Variants in SLC44A5 observed in about 807,000 individuals in gnomAD.
SLC44A5 encodes the protein solute carrier family 44 member 5.
In SLC44A5, 57 loss-of-function variants were observed where a neutral mutation model predicts 101.8. The ratio of observed to expected loss-of-function variants is 0.56; its 90% CI spans 0.45 to 0.70. The LOEUF (loss-of-function observed/expected upper bound fraction) is 0.70. Among genes scored for constraint, SLC44A5 ranks in the 30% least tolerant of loss-of-function variants. The probability of loss-of-function intolerance (pLI) is 0.00; values close to 1 mark genes in which losing one functional copy is unlikely to be tolerated. For missense variants in SLC44A5, 737 were observed against 853.1 expected (o/e 0.86, Z 1.70); for synonymous variants, 281 against 290.9 (o/e 0.97, Z 0.35).
intron 5 of SLC44A5, among the ~76,000 whole-genome samples, chr1:75,279,778 G>GTA (rs71081321): frequency 0.83 from 126,007 of 151,566 alleles, 52,664 homozygotes; most frequent in East Asian, 0.97. Flanking sequence ...TTTTATTTCA[G>GTA]GGTTTTGGGA....
chr1:75,659,445 GA>G, the SLC44A5 span, among the ~76,000 whole-genome samples: 3 of 13,166 alleles, frequency 2.3e-4, no homozygotes, highest in Admixed American at 1.7e-3. Context: ...GGGAGGGAGG[GA>G]AGGAAGGAAG....
At chr1:75,310,151 G>A (rs1166292283) in intron 4 of SLC44A5, among the ~76,000 whole-genome samples, 4 of 152,192 alleles carry the variant, frequency 2.6e-5, no homozygotes, top group Non-Finnish European at 5.9e-5. Flanking sequence ...TTGCTTGGCT[G>A]AAAATACCAG....
In SLC44A5 at chr1:75,234,007, C is replaced by T. The variant is rs1464251438; in HGVS notation, c.832G>A (p.Val278Met). 4 of 1,612,388 alleles carry T rather than the reference C, an allele frequency of 2.5e-6. No homozygotes were observed. In the South Asian group the frequency reaches 4.4e-5, roughly 18 times the overall value. The change falls in exon 12 of 24, where the codon GTG becomes ATG. Residue 278 changes from valine to methionine, a missense_variant. Transcript: ENST00000370859. The part of the protein sequence containing the change: ...GCLFWVFMIG[V>M]IGIIGYGIWH... ...CTACCATAACCTATAATTCCAATCA[C>T]ACCAATCATGAAGACCCAGAAGAGG...
intron 2 of SLC44A5, among the ~76,000 whole-genome samples, chr1:75,450,543 A>AT (rs1377423845): frequency 6.6e-6 from 1 of 152,160 alleles, no homozygotes; most frequent in Non-Finnish European, 1.5e-5. Context: ...AGGTGCTGGA[A>AT]TTTTGCTCCC....
chr1:75,318,941 C>G (rs1427059114), intron 4 of SLC44A5, among the ~76,000 whole-genome samples: 1 of 151,980 alleles, frequency 6.6e-6, no homozygotes, highest in Non-Finnish European at 1.5e-5. Context: ...TCACTCCCAA[C>G]CCCCCCTGCC....
At chr1:75,314,177 T>A (rs751715762) in intron 4 of SLC44A5, among the ~76,000 whole-genome samples, 2 of 152,214 alleles carry the variant, frequency 1.3e-5, no homozygotes, top group Non-Finnish European at 2.9e-5. Flanking sequence ...AGTTTATTCC[T>A]TTCTAATACA....
At chr1:75,719,884 T>C in the SLC44A5 span, among the ~76,000 whole-genome samples, 4 of 152,292 alleles carry the variant, frequency 2.6e-5, no homozygotes, top group East Asian at 5.8e-4. Flanking sequence ...TCAAAGGCTC[T>C]GGGACCATTG....
intron 2 of SLC44A5, among the ~76,000 whole-genome samples, chr1:75,444,544 AG>A (rs1665432849): frequency 6.7e-6 from 1 of 149,972 alleles, no homozygotes; most frequent in African/African-American, 2.5e-5. Context: ...AAGGAGACAT[AG>A]GAATAAGGAA....
chr1:75,367,453 A>G (rs947342134), intron 3 of SLC44A5, among the ~76,000 whole-genome samples: 1 of 152,306 alleles, frequency 6.6e-6, no homozygotes, highest in South Asian at 2.1e-4. Flanking sequence ...AGGTGGGCCT[A>G]TTAACAGGTT....
chr1:75,412,740 T>G (rs1663361746), intron 2 of SLC44A5, among the ~76,000 whole-genome samples: 1 of 152,202 alleles, frequency 6.6e-6, no homozygotes, highest in South Asian at 2.1e-4. Context: ...TTCTGAGTAG[T>G]GTGATAAAAC....
At chr1:75,698,351 C>G in the SLC44A5 span, among the ~76,000 whole-genome samples, 1 of 152,168 alleles carries the variant, frequency 6.6e-6, no homozygotes, top group Non-Finnish European at 1.5e-5. Flanking sequence ...GACCCCTGAT[C>G]CCCGAGCAGC....
chr1:75,462,318 G>A (rs577937271), intron 2 of SLC44A5, among the ~76,000 whole-genome samples: 29 of 152,350 alleles, frequency 1.9e-4, no homozygotes, highest in African/African-American at 7.0e-4. Flanking sequence ...AAGAACCACA[G>A]TGTTACTGGA....
At chr1:75,427,398 T>C (rs575207745) in intron 2 of SLC44A5, among the ~76,000 whole-genome samples, 13 of 152,304 alleles carry the variant, frequency 8.5e-5, no homozygotes, top group Non-Finnish European at 1.9e-4. Flanking sequence ...TTCCAAAGCA[T>C]ACCAAAATAG....
chr1:75,202,157 G>GA lies in SLC44A5; in HGVS notation c.*1569dup, dbSNP rs1345150466. 1.3e-5 allele frequency: 2 copies of GA among 151,818 alleles called. No homozygotes were observed. The highest frequency in any genetic ancestry group is 1.9e-4 in the East Asian group (1 of 5,168). The allele number at this position is 151,818 out of a possible 1,614,324, so 9.4% of individuals were successfully genotyped here. On this transcript the variant is annotated 3_prime_UTR_variant, in exon 24 of 24. Coordinates refer to ENST00000370859, the MANE Select transcript of SLC44A5 (RefSeq NM_001130058.2). ...TTTCTTATTTAAATCTTTATTAAAA[G>GA]AAAAAAGATTTAAAACAAGTAACAA...
rs774430360 is a variant in SLC44A5, at chr1:75,218,604, A to G, written c.1415T>C (p.Ile472Thr). 5.0e-6 allele frequency: 8 copies of G among 1,613,900 alleles called. No homozygotes were observed. Among genetic ancestry groups the G allele is most frequent in the Middle Eastern group, 1.6e-4 (1 of 6,062 alleles). Reference protein sequence around the residue: ...FVFLWLINFVIALGQCALAGA... With the variant: ...FVFLWLINFVTALGQCALAGA... Reference sequence around the variant, plus strand: ...AGCAAGGGCGCACTGACCTAATGCAATGACGAAGTTTATAAGCCAGAGAAA... The same window carrying G: ...AGCAAGGGCGCACTGACCTAATGCAGTGACGAAGTTTATAAGCCAGAGAAA... Residue 472 changes from isoleucine to threonine, a missense_variant, in exon 17 of 24, where the codon ATT (isoleucine) becomes ACT (threonine). Ile to Thr is a moderately conservative substitution (Grantham distance 89). Around this residue, in one of 3 missense-constraint regions of SLC44A5, gnomAD observed 665 missense variants for 764.4 expected, o/e 0.87. Transcript: ENST00000370859.
intron 5 of SLC44A5, among the ~76,000 whole-genome samples, chr1:75,275,273 CA>C (rs2100748981): frequency 6.6e-6 from 1 of 152,114 alleles, no homozygotes; most frequent in East Asian, 1.9e-4. Context: ...GGGTTGTAGC[CA>C]AAACATGAGG....
intron 10 of SLC44A5, among the ~76,000 whole-genome samples, chr1:75,237,418 G>C (rs773896552): frequency 1.4e-4 from 22 of 152,182 alleles, no homozygotes; most frequent in Non-Finnish European, 4.4e-5. Context: ...AGTCAAGAAT[G>C]AACATGATCT....
intron 2 of SLC44A5, among the ~76,000 whole-genome samples, chr1:75,510,830 C>A (rs1165788346): frequency 2.0e-5 from 3 of 152,120 alleles, no homozygotes; most frequent in Admixed American, 2.0e-4. Context: ...TGATCAACAA[C>A]AACAACAAAA....
the SLC44A5 span, among the ~76,000 whole-genome samples, chr1:75,673,136 C>A: frequency 2.6e-5 from 4 of 152,050 alleles, no homozygotes; most frequent in Non-Finnish European, 5.9e-5. Flanking sequence ...GGGTAGAGCA[C>A]CAACTGGGCT....
Sources: allele counts gnomAD v4.1 joint callset (sites outside exome capture counted in the v4.1 genomes callset), GRCh38; gene constraint gnomAD v4.1.1; regional missense constraint gnomAD v4.1.1; transcripts MANE v1.5; gene names NCBI Gene and HGNC (gene_info 2026-07-23, HGNC 2026-07-21).